The following SGCD variants were observed in gnomAD, a reference collection of about 807,000 sequenced individuals.
The protein encoded by SGCD is delta-sarcoglycan.
A neutral mutation model predicts 36.6 loss-of-function variants in SGCD; 18 were observed. The observed-to-expected ratio is 0.49, with a 90% CI of 0.34 to 0.73. The LOEUF is 0.73. Ranked by LOEUF, SGCD falls within the 30% of genes least tolerant of loss-of-function variation. The pLI is 0.01. For missense variants in SGCD, 387 were observed against 346.7 expected, an observed-to-expected ratio of 1.12 and a Z score of -0.92; for synonymous variants, 133 against 130.6, an observed-to-expected ratio of 1.02 and a Z score of -0.12.
At chr5:156,402,990 C>A (rs1304453644) in intron 3 of SGCD, among the ~76,000 whole-genome samples, 2 of 152,186 alleles carry the variant, frequency 1.3e-5, no homozygotes, top group African/African-American at 4.8e-5. Context: ...CATTTGATAG[C>A]CGCGGTCTTT....
chr5:156,078,982 A>G (rs555551219), intron 1 of SGCD, among the ~76,000 whole-genome samples: 1 of 150,366 alleles, frequency 6.7e-6, no homozygotes, highest in African/African-American at 2.4e-5. Context: ...CTGTTATTGC[A>G]TTGGTATAAA....
the SGCD span, among the ~76,000 whole-genome samples, chr5:155,817,102 A>C: frequency 6.6e-6 from 1 of 152,190 alleles, no homozygotes; most frequent in Admixed American, 6.5e-5. Context: ...TATAGTTACA[A>C]TAACTTTAAC....
At chr5:156,473,328 G>A (rs114712150) in intron 3 of SGCD, among the ~76,000 whole-genome samples, 22 of 152,224 alleles carry the variant, frequency 1.4e-4, no homozygotes, top group African/African-American at 3.9e-4. Context: ...ACTATCATAC[G>A]TTGCAAATAT....
At chr5:156,380,857 A>G (rs576469732) in intron 3 of SGCD, among the ~76,000 whole-genome samples, 57 of 152,312 alleles carry the variant, frequency 3.7e-4, no homozygotes, top group African/African-American at 1.2e-3. Flanking sequence ...AAGCCAAGGC[A>G]TGGGATGTGA....
At chr5:156,386,107 G>A (rs1326066894) in intron 3 of SGCD, among the ~76,000 whole-genome samples, 2 of 152,202 alleles carry the variant, frequency 1.3e-5, no homozygotes, top group African/African-American at 2.4e-5. Flanking sequence ...TTTAGTGATA[G>A]TATAGTTATT....
At chr5:156,625,317 C>T (rs1762400002) in intron 6 of SGCD, among the ~76,000 whole-genome samples, 1 of 151,818 alleles carries the variant, frequency 6.6e-6, no homozygotes, top group African/African-American at 2.4e-5. Context: ...TCCAGGATTA[C>T]CAAAGAAAGC....
intron 3 of SGCD, among the ~76,000 whole-genome samples, chr5:156,136,364 G>A (rs1179071102): frequency 3.3e-5 from 5 of 152,096 alleles, no homozygotes; most frequent in Admixed American, 6.5e-5. Context: ...CTCCTACCTC[G>A]GCCTCCCAAA....
chr5:156,135,347 T>C (rs1044821459), intron 3 of SGCD, among the ~76,000 whole-genome samples: 1 of 152,152 alleles, frequency 6.6e-6, no homozygotes, highest in Non-Finnish European at 1.5e-5. Flanking sequence ...TAATACATCA[T>C]TGTGCTCTTC....
intron 3 of SGCD, among the ~76,000 whole-genome samples, chr5:156,298,834 T>G (rs2127683087): frequency 6.6e-6 from 1 of 152,278 alleles, no homozygotes; most frequent in South Asian, 2.1e-4. Context: ...TCCTAATATA[T>G]TTGGGTTATT....
intron 4 of SGCD, among the ~76,000 whole-genome samples, chr5:156,554,877 T>C (rs73297187): frequency 0.032 from 4,837 of 152,178 alleles, 268 homozygotes; most frequent in African/African-American, 0.11. Context: ...AGGTTTCCAG[T>C]TTCTCCATGT....
intron 7 of SGCD, among the ~76,000 whole-genome samples, chr5:156,743,296 G>C (rs952574218): frequency 5.9e-5 from 9 of 152,040 alleles, no homozygotes; most frequent in African/African-American, 1.4e-4. Flanking sequence ...ATTTTTAGTA[G>C]AGACAGGGTT....
intron 3 of SGCD, among the ~76,000 whole-genome samples, chr5:156,124,267 G>T (rs1762115596): frequency 6.6e-6 from 1 of 152,104 alleles, no homozygotes; most frequent in Admixed American, 6.6e-5. Flanking sequence ...TGGTCAGAGG[G>T]CAAAGACAAA....
chr5:156,195,585 A>G (rs952160512), intron 3 of SGCD, among the ~76,000 whole-genome samples: 2 of 152,198 alleles, frequency 1.3e-5, no homozygotes, highest in African/African-American at 4.8e-5. Flanking sequence ...CACTATTAAC[A>G]TGTTAATGTA....
intron 6 of SGCD, among the ~76,000 whole-genome samples, chr5:156,622,541 T>A (rs112270149): frequency 1.3e-5 from 1 of 79,418 alleles, no homozygotes; most frequent in Admixed American, 1.4e-4. Context: ...CAAAGACAGA[T>A]TTTTTTTTTG....
chr5:155,785,837 G>A, the SGCD span, among the ~76,000 whole-genome samples: 1 of 152,142 alleles, frequency 6.6e-6, no homozygotes, highest in African/African-American at 2.4e-5. Context: ...GATCAATAGA[G>A]CTATAAATGA....
chr5:156,358,469 T>A (rs993460336), intron 3 of SGCD, among the ~76,000 whole-genome samples: 26 of 152,328 alleles, frequency 1.7e-4, no homozygotes, highest in African/African-American at 6.0e-4. Context: ...ATTACTATAA[T>A]TATGATATAT....
intron 1 of SGCD, among the ~76,000 whole-genome samples, chr5:156,089,674 C>A (rs1009608523): frequency 6.6e-6 from 1 of 152,120 alleles, no homozygotes; most frequent in Non-Finnish European, 1.5e-5. Context: ...AATGGCATAG[C>A]CTTTGTATTG....
intron 7 of SGCD, among the ~76,000 whole-genome samples, chr5:156,721,242 G>A (rs1382900016): frequency 9.9e-5 from 15 of 152,200 alleles, no homozygotes; most frequent in Non-Finnish European, 2.9e-5. Flanking sequence ...CAGTATAGGA[G>A]TAATCTGTGT....
chr5:156,534,838 G>T (rs757405366), intron 4 of SGCD, among the ~76,000 whole-genome samples: 2 of 152,084 alleles, frequency 1.3e-5, no homozygotes, highest in Non-Finnish European at 2.9e-5. Context: ...AACAGTGTCC[G>T]CCACTTAACT....
Sources: allele counts gnomAD v4.1 joint callset (sites outside exome capture counted in the v4.1 genomes callset), GRCh38; gene constraint gnomAD v4.1.1; transcripts MANE v1.5; gene names NCBI Gene and HGNC (gene_info 2026-07-23, HGNC 2026-07-21).